GALNT13: variants seen among roughly 807,000 people sequenced by gnomAD.
The protein encoded by GALNT13 is polypeptide N-acetylgalactosaminyltransferase 13, also known as UDP-GalNAc:polypeptide N-acetylgalactosaminyltransferase 13.
Under a neutral mutation model 64.2 loss-of-function variants are expected in GALNT13, and 28 were observed. The observed-to-expected ratio is 0.44, with a 90% CI of 0.32 to 0.60. The LOEUF (loss-of-function observed/expected upper bound fraction) is 0.60. Among genes scored for constraint, GALNT13 ranks in the 20% least tolerant of loss-of-function variants. The pLI is 0.05. For missense variants in GALNT13, 577 were observed against 669.8 expected (o/e 0.86, Z 1.53); for synonymous variants, 214 against 224.6 (o/e 0.95, Z 0.42).
chr2:153,162,701 T>C, the GALNT13 span, among the ~76,000 whole-genome samples: 22,523 of 152,180 alleles, frequency 0.15, 1,813 homozygotes, highest in Non-Finnish European at 0.17. Flanking sequence ...ATGCCATTGT[T>C]CCAGGAACAA....
At chr2:153,540,140 G>A in the GALNT13 span, among the ~76,000 whole-genome samples, 2 of 152,176 alleles carry the variant, frequency 1.3e-5, no homozygotes, top group Non-Finnish European at 2.9e-5. Context: ...CTGTGGGCCT[G>A]GTCCAGGGCC....
chr2:153,706,739 G>A, the GALNT13 span, among the ~76,000 whole-genome samples: 2 of 152,004 alleles, frequency 1.3e-5, no homozygotes, highest in African/African-American at 4.8e-5. Context: ...ATTTCAAATT[G>A]CAATTGTTCC....
chr2:154,154,856 A>G (rs571084898), intron 4 of GALNT13, among the ~76,000 whole-genome samples: 91 of 152,154 alleles, frequency 6.0e-4, no homozygotes, highest in Admixed American at 8.5e-4. Flanking sequence ...CTTACTAGAT[A>G]TAAGGGAAGT....
At chr2:154,428,376 G>A (rs147559040) in intron 11 of GALNT13, among the ~76,000 whole-genome samples, 2 of 152,208 alleles carry the variant, frequency 1.3e-5, no homozygotes, top group African/African-American at 4.8e-5. Context: ...AGTAAATATT[G>A]TCCTGATGAA....
intron 3 of GALNT13, among the ~76,000 whole-genome samples, chr2:154,086,518 G>A (rs1318984893): frequency 6.6e-6 from 1 of 150,700 alleles, no homozygotes; most frequent in Non-Finnish European, 1.5e-5. Flanking sequence ...AACTTCTTCA[G>A]GGTTCTGTAT....
chr2:154,187,405 CACACA>C (rs2105745884), intron 4 of GALNT13, among the ~76,000 whole-genome samples: 2 of 150,242 alleles, frequency 1.3e-5, no homozygotes, highest in Admixed American at 1.3e-4. Context: ...CACACACACA[CACACA>C]CACAACTTCT....
intron 1 of GALNT13, among the ~76,000 whole-genome samples, chr2:153,873,171 T>C (rs1381575446): frequency 6.6e-6 from 1 of 152,128 alleles, no homozygotes; most frequent in African/African-American, 2.4e-5. Context: ...GCGCATCTAA[T>C]GGGTATCTCC....
At chr2:153,496,365 T>A in the GALNT13 span, among the ~76,000 whole-genome samples, 4 of 152,188 alleles carry the variant, frequency 2.6e-5, no homozygotes, top group African/African-American at 9.7e-5. Flanking sequence ...ACTGTATACA[T>A]CCAATTTCTT....
At chr2:154,435,585 ATC>A (rs2105460624) in intron 11 of GALNT13, among the ~76,000 whole-genome samples, 1 of 152,322 alleles carries the variant, frequency 6.6e-6, no homozygotes, top group African/African-American at 2.4e-5. Context: ...TATCAGAAAC[ATC>A]TGTCATCAGG....
chr2:153,343,575 G>A, the GALNT13 span, among the ~76,000 whole-genome samples: 4 of 152,104 alleles, frequency 2.6e-5, no homozygotes, highest in Non-Finnish European at 4.4e-5. Flanking sequence ...AAAATACTTA[G>A]AATTCCACAC....
At chr2:154,296,391 G>A (rs1216809747) in intron 8 of GALNT13, among the ~76,000 whole-genome samples, 1 of 152,148 alleles carries the variant, frequency 6.6e-6, no homozygotes, top group African/African-American at 2.4e-5. Context: ...CTGTCCAGCT[G>A]GGAGAGAAAT....
chr2:153,457,166 G>A, the GALNT13 span, among the ~76,000 whole-genome samples: 2 of 152,194 alleles, frequency 1.3e-5, no homozygotes, highest in South Asian at 4.1e-4. Context: ...TGCCTTCTGA[G>A]CTCCATATAT....
At chr2:153,524,424 A>T in the GALNT13 span, among the ~76,000 whole-genome samples, 3 of 151,958 alleles carry the variant, frequency 2.0e-5, no homozygotes, top group African/African-American at 4.8e-5. Context: ...CACACAAAGA[A>T]CACCTCTATA....
chr2:153,113,545 A>T, the GALNT13 span, among the ~76,000 whole-genome samples: 3 of 152,024 alleles, frequency 2.0e-5, no homozygotes. Flanking sequence ...GGCAGAACTG[A>T]ATCCTGTGAA....
chr2:153,363,805 A>C, the GALNT13 span, among the ~76,000 whole-genome samples: 1 of 152,196 alleles, frequency 6.6e-6, no homozygotes, highest in Non-Finnish European at 1.5e-5. Flanking sequence ...ATTCTACCAG[A>C]GCTACAAAGA....
At chr2:153,712,845 G>C in the GALNT13 span, among the ~76,000 whole-genome samples, 1 of 152,132 alleles carries the variant, frequency 6.6e-6, no homozygotes, top group African/African-American at 2.4e-5. Context: ...GTCAGCCCAG[G>C]CAAAGCTATC....
At chr2:153,827,548 C>G in the GALNT13 span, among the ~76,000 whole-genome samples, 1 of 151,292 alleles carries the variant, frequency 6.6e-6, no homozygotes, top group Non-Finnish European at 1.5e-5. Flanking sequence ...ATGGCATGAA[C>G]CCGGGAGGCG....
At chr2:154,290,547 A>G (rs1219987473) in intron 8 of GALNT13, among the ~76,000 whole-genome samples, 4 of 152,192 alleles carry the variant, frequency 2.6e-5, no homozygotes, top group Non-Finnish European at 1.5e-5. Flanking sequence ...GTAGGTTCCC[A>G]GATACTGGCT....
At chr2:153,090,672 A>T in the GALNT13 span, among the ~76,000 whole-genome samples, 3 of 152,186 alleles carry the variant, frequency 2.0e-5, no homozygotes, top group African/African-American at 4.8e-5. Flanking sequence ...GGGAAGGGCC[A>T]TAAAGCTCCA....
Sources: gnomAD v4.1 joint callset for allele counts (sites outside exome capture counted in the v4.1 genomes callset) on GRCh38, gnomAD v4.1.1 for gene constraint, MANE v1.5 for transcripts, NCBI Gene and HGNC (gene_info 2026-07-23, HGNC 2026-07-21) for gene names.